FRMD4A: variants seen among roughly 807,000 people sequenced by gnomAD.
The protein encoded by FRMD4A is FERM domain-containing protein 4A.
FRMD4A carries 29 observed loss-of-function variants against 129.1 expected under a neutral mutation model. The ratio of observed to expected loss-of-function variants is 0.22; its 90% CI spans 0.17 to 0.31. The LOEUF is 0.31. Ranked by LOEUF, FRMD4A falls within the 10% of genes least tolerant of loss-of-function variation. The probability of loss-of-function intolerance (pLI) is 1.00; values close to 1 mark genes in which losing one functional copy is unlikely to be tolerated. For missense variants in FRMD4A, 1,272 were observed against 1,375.8 expected, an observed-to-expected ratio of 0.92 and a Z score of 1.19; for synonymous variants, 634 against 571.6, an observed-to-expected ratio of 1.11 and a Z score of -1.56.
At chr10:13,730,523 C>T (rs931792034) in intron 12 of FRMD4A, among the ~76,000 whole-genome samples, 4 of 152,126 alleles carry the variant, frequency 2.6e-5, no homozygotes, top group Admixed American at 1.3e-4. Context: ...CAAACTAAGA[C>T]GAAACTTGGG....
intron 12 of FRMD4A, chr10:13,711,990 T>G (rs1353296949): frequency 6.6e-6 from 1 of 152,246 alleles, no homozygotes; most frequent in Non-Finnish European, 1.5e-5. Flanking sequence ...TGGAATGATT[T>G]TTACAAATGA....
At chr10:13,663,547 C>G (rs758466358) in intron 18 of FRMD4A, 38 bp from the exon 19 acceptor site, 1 of 1,048,196 alleles carries the variant, frequency 9.5e-7, no homozygotes, top group Admixed American at 1.7e-5. Context: ...GAGTTCAGCA[C>G]ATTCCTTCAG....
chr10:13,773,864 G>T (rs2092527529), intron 6 of FRMD4A, among the ~76,000 whole-genome samples: 1 of 152,242 alleles, frequency 6.6e-6, no homozygotes. Context: ...GGCACCTTCA[G>T]TTGGCTGTTG....
At chr10:14,005,770 A>G (rs762422342) in intron 2 of FRMD4A, among the ~76,000 whole-genome samples, 3 of 152,156 alleles carry the variant, frequency 2.0e-5, no homozygotes, top group African/African-American at 7.2e-5. Flanking sequence ...CATTGACTGT[A>G]TATTCCCATA....
intron 2 of FRMD4A, among the ~76,000 whole-genome samples, chr10:13,944,077 C>T (rs980902045): frequency 2.0e-5 from 3 of 152,160 alleles, no homozygotes; most frequent in African/African-American, 2.4e-5. Flanking sequence ...CAGGTGAATA[C>T]CTAAACCATC....
intron 6 of FRMD4A, among the ~76,000 whole-genome samples, chr10:13,778,598 C>CGTGTGT (rs150073571): frequency 1.0e-3 from 149 of 147,976 alleles, no homozygotes; most frequent in African/African-American, 3.0e-3. Flanking sequence ...ACCATTCCAA[C>CGTGTGT]GTGTGTGTGT....
At position 13,781,368 on chromosome 10, in the gene FRMD4A, C is replaced by CTT. The variant is rs1161094661; in HGVS notation, c.384+1552_384+1553dup. Among the ~76,000 whole-genome samples the CTT allele has an allele frequency of 4.7e-3, 334 of 70,738 alleles. 5 individuals carry two copies. The highest frequency in any genetic ancestry group is 6.3e-3 in the Non-Finnish European group (241 of 38,002). The allele number at this position is 70,738 out of a possible 152,430, so 46.4% of individuals were successfully genotyped here. ...GATACACGCTACAACATGGATGAAC[C>CTT]TTTTTTTTTTTTTTTTTTTTTTTTT... On this transcript the variant is annotated intron_variant, in intron 6 of 24. Coordinates refer to ENST00000357447, the MANE Select transcript of FRMD4A (RefSeq NM_018027.5).
intron 2 of FRMD4A, among the ~76,000 whole-genome samples, chr10:14,202,004 G>T (rs1293401618): frequency 6.6e-6 from 1 of 152,112 alleles, no homozygotes. Context: ...TGGGCATGGT[G>T]GTGTGTGCCT....
intron 8 of FRMD4A, among the ~76,000 whole-genome samples, chr10:13,753,541 AT>A (rs35813128): frequency 0.023 from 2,663 of 115,236 alleles, 49 homozygotes; most frequent in South Asian, 0.13. Flanking sequence ...GTACCTTTCT[AT>A]TTTTTTTTTT....
intron 12 of FRMD4A, chr10:13,707,511 G>A (rs1243886855): frequency 4.0e-6 from 4 of 1,008,674 alleles, no homozygotes; most frequent in Admixed American, 5.2e-5. Context: ...GGGGAGAGGA[G>A]CGAGAGGAGC....
chr10:13,799,321 C>A (rs1190904143), intron 4 of FRMD4A, among the ~76,000 whole-genome samples: 1 of 152,114 alleles, frequency 6.6e-6, no homozygotes, highest in African/African-American at 2.4e-5. Context: ...CCATGCCCAG[C>A]TATTTTTTTG....
At chr10:13,669,057 G>GTTTTTT (rs56706198) in intron 17 of FRMD4A, among the ~76,000 whole-genome samples, 3 of 97,460 alleles carry the variant, frequency 3.1e-5, no homozygotes, top group Admixed American at 1.2e-4. Context: ...CTGAGCTTTA[G>GTTTTTT]TTTTTTTTTT....
intron 2 of FRMD4A, among the ~76,000 whole-genome samples, chr10:14,076,033 G>C (rs932587431): frequency 2.6e-5 from 4 of 152,186 alleles, no homozygotes; most frequent in Non-Finnish European, 5.9e-5. Flanking sequence ...CCTGACCTTA[G>C]TTGATGGCAA....
chr10:14,051,143 A>C (rs910567358), intron 2 of FRMD4A, among the ~76,000 whole-genome samples: 21 of 152,226 alleles, frequency 1.4e-4, no homozygotes, highest in Admixed American at 2.6e-4. Flanking sequence ...GGAAGTATTT[A>C]ATAGCCTAAC....
At chr10:14,134,663 A>G (rs995686967) in intron 2 of FRMD4A, among the ~76,000 whole-genome samples, 2 of 151,248 alleles carry the variant, frequency 1.3e-5, no homozygotes, top group South Asian at 4.2e-4. Flanking sequence ...GAGTTGATAG[A>G]TGGGGGTACA....
intron 2 of FRMD4A, among the ~76,000 whole-genome samples, chr10:14,233,706 C>G (rs1462578236): frequency 6.6e-6 from 1 of 152,248 alleles, no homozygotes; most frequent in African/African-American, 2.4e-5. Context: ...GAAAAAGACT[C>G]ACTGCTTTTG....
chr10:14,111,667 TG>T (rs1196876305), intron 2 of FRMD4A, among the ~76,000 whole-genome samples: 1 of 152,054 alleles, frequency 6.6e-6, no homozygotes, highest in Non-Finnish European at 1.5e-5. Context: ...CTACCTACTA[TG>T]GGCAATGCAT....
chr10:13,759,243 T>C (rs1228551596), intron 8 of FRMD4A, among the ~76,000 whole-genome samples: 1 of 152,206 alleles, frequency 6.6e-6, no homozygotes, highest in Non-Finnish European at 1.5e-5. Context: ...ACAAACAAAC[T>C]GCTAGGTAGC....
At chr10:13,679,644 G>A (rs2084357744) in intron 15 of FRMD4A, among the ~76,000 whole-genome samples, 1 of 151,234 alleles carries the variant, frequency 6.6e-6, no homozygotes, top group Non-Finnish European at 1.5e-5. Context: ...TCAAAACAGA[G>A]CAGCTCCCCG....
Sources: allele counts gnomAD v4.1 joint callset (sites outside exome capture counted in the v4.1 genomes callset), GRCh38; gene constraint gnomAD v4.1.1; transcripts MANE v1.5; gene names NCBI Gene and HGNC (gene_info 2026-07-23, HGNC 2026-07-21).